The following CNTN5 variants were observed in gnomAD, a reference collection of about 807,000 sequenced individuals.
CNTN5 encodes the protein contactin-5.
A neutral mutation model predicts 129.1 loss-of-function variants in CNTN5; 77 were observed. The observed-to-expected ratio is 0.60, with a 90% confidence interval of 0.50 to 0.72. The LOEUF is 0.72. Among genes scored for constraint, CNTN5 ranks in the 30% least tolerant of loss-of-function variants. CNTN5 has a pLI of 0.00. For synonymous variants in CNTN5, 509 were observed against 465.6 expected, an observed-to-expected ratio of 1.09 and a Z score of -1.20; for missense variants, 1,478 against 1,328.8, an observed-to-expected ratio of 1.11 and a Z score of -1.75.
chr11:99,561,418 C>T (rs1309994825), intron 3 of CNTN5, among the ~76,000 whole-genome samples: 11 of 152,056 alleles, frequency 7.2e-5, no homozygotes. Flanking sequence ...GAAAATTGAT[C>T]AATCTTTATG....
chr11:99,890,764 A>G (rs1347500749), intron 6 of CNTN5, among the ~76,000 whole-genome samples: 1 of 152,174 alleles, frequency 6.6e-6, no homozygotes, highest in East Asian at 1.9e-4. Context: ...AGGGAAAAGG[A>G]ATAATTTTAT....
At chr11:99,458,078 G>A (rs1944558981) in intron 2 of CNTN5, among the ~76,000 whole-genome samples, 1 of 151,804 alleles carries the variant, frequency 6.6e-6, no homozygotes, top group Admixed American at 6.6e-5. Context: ...TATTTAAATT[G>A]TGACAAATTA....
At chr11:99,879,794 G>T (rs1206620072) in intron 6 of CNTN5, among the ~76,000 whole-genome samples, 2 of 152,148 alleles carry the variant, frequency 1.3e-5, no homozygotes, top group Non-Finnish European at 2.9e-5. Context: ...AAAAGAAAGA[G>T]ATTAAGAAAC....
chr11:99,350,067 G>A (rs1260367751), intron 2 of CNTN5, among the ~76,000 whole-genome samples: 4 of 151,970 alleles, frequency 2.6e-5, no homozygotes, highest in African/African-American at 9.7e-5. Context: ...CCCTTTTAAT[G>A]TTTACTTTGT....
At chr11:99,062,211 C>CAGACCT (rs1864913163) in intron 1 of CNTN5, among the ~76,000 whole-genome samples, 1 of 152,068 alleles carries the variant, frequency 6.6e-6, no homozygotes. Flanking sequence ...GCAGACCTAA[C>CAGACCT]TAAATCTAAA....
intron 18 of CNTN5, among the ~76,000 whole-genome samples, chr11:100,292,973 C>T (rs1233816982): frequency 6.6e-6 from 1 of 151,804 alleles, no homozygotes; most frequent in Non-Finnish European, 1.5e-5. Context: ...CAGTTCTTGT[C>T]CATGATGGTG....
intron 6 of CNTN5, among the ~76,000 whole-genome samples, chr11:99,900,964 C>T (rs753008677): frequency 1.1e-4 from 16 of 151,982 alleles, no homozygotes; most frequent in Non-Finnish European, 1.6e-4. Context: ...TTCAGAATGT[C>T]GGCTCTGGCA....
chr11:100,331,429 G>A (rs1565433393), intron 21 of CNTN5, among the ~76,000 whole-genome samples: 1 of 152,088 alleles, frequency 6.6e-6, no homozygotes, highest in Non-Finnish European at 1.5e-5. Flanking sequence ...AGGTCATCAA[G>A]ACAGAAAGTC....
intron 1 of CNTN5, among the ~76,000 whole-genome samples, chr11:99,226,871 A>G (rs375256317): frequency 5.9e-5 from 9 of 152,302 alleles, no homozygotes; most frequent in African/African-American, 2.2e-4. Context: ...TAGCTGTGTG[A>G]TATTATTAGG....
At chr11:99,526,941 C>T (rs1037713930) in intron 2 of CNTN5, among the ~76,000 whole-genome samples, 3 of 146,516 alleles carry the variant, frequency 2.0e-5, no homozygotes, top group African/African-American at 7.3e-5. Flanking sequence ...TTTCCACAGT[C>T]GGGTTTGATT....
At chr11:99,232,225 A>G (rs567569576) in intron 1 of CNTN5, among the ~76,000 whole-genome samples, 2 of 152,160 alleles carry the variant, frequency 1.3e-5, no homozygotes, top group Non-Finnish European at 2.9e-5. Flanking sequence ...CACTGAATCT[A>G]TAAATTATTT....
intron 1 of CNTN5, among the ~76,000 whole-genome samples, chr11:99,104,608 A>ATG (rs777512213): frequency 3.4e-4 from 43 of 126,572 alleles, no homozygotes; most frequent in Non-Finnish European, 5.0e-4. Flanking sequence ...TCTACCTACA[A>ATG]TGTGTGTGTA....
chr11:100,226,142 C>T (rs1949370771), intron 16 of CNTN5, among the ~76,000 whole-genome samples: 1 of 152,068 alleles, frequency 6.6e-6, no homozygotes, highest in Non-Finnish European at 1.5e-5. Context: ...CCTTTCAATA[C>T]ATTCTATTCC....
At chr11:99,822,422 TAGAA>T (rs1946830544) in intron 4 of CNTN5, among the ~76,000 whole-genome samples, 1 of 152,126 alleles carries the variant, frequency 6.6e-6, no homozygotes, top group Non-Finnish European at 1.5e-5. Flanking sequence ...TTAAAGTGAA[TAGAA>T]AGAAAATGGA....
intron 10 of CNTN5, among the ~76,000 whole-genome samples, chr11:100,069,314 G>C (rs1943813350): frequency 6.6e-6 from 1 of 151,624 alleles, no homozygotes; most frequent in South Asian, 2.1e-4. Flanking sequence ...CACCACACCT[G>C]AATAATTTTT....
intron 10 of CNTN5, 83 bp from the exon 11 acceptor site, chr11:100,070,341 T>C (rs1943871353): frequency 6.5e-6 from 9 of 1,391,434 alleles, no homozygotes; most frequent in Middle Eastern, 2.6e-4. Flanking sequence ...AAAAAATACG[T>C]TGAATTTTTC....
chr11:99,243,940 A>G (rs945809573), intron 1 of CNTN5, among the ~76,000 whole-genome samples: 1 of 151,848 alleles, frequency 6.6e-6, no homozygotes, highest in African/African-American at 2.4e-5. Context: ...GTCACTTTGG[A>G]TATTCAGGTT....
intron 24 of CNTN5, among the ~76,000 whole-genome samples, chr11:100,351,628 A>G (rs545856439): frequency 4.7e-5 from 7 of 149,612 alleles, no homozygotes; most frequent in Non-Finnish European, 8.9e-5. Flanking sequence ...TTAGAAATTT[A>G]GAAGAAAGCA....
At chr11:99,160,590 C>T (rs1017231305) in intron 1 of CNTN5, among the ~76,000 whole-genome samples, 7 of 152,146 alleles carry the variant, frequency 4.6e-5, no homozygotes, top group African/African-American at 1.7e-4. Flanking sequence ...CAACTAATTA[C>T]ACCCCAAGGC....
Sources: allele counts gnomAD v4.1 joint callset (sites outside exome capture counted in the v4.1 genomes callset), GRCh38; gene constraint gnomAD v4.1.1; transcripts MANE v1.5; gene names NCBI Gene and HGNC (gene_info 2026-07-23, HGNC 2026-07-21).